TBC1D5: variants seen among roughly 807,000 people sequenced by gnomAD.
TBC1D5 encodes TBC1 domain family, member 5.
In TBC1D5, 75 loss-of-function variants were observed where a neutral mutation model predicts 100.3. The ratio of observed to expected loss-of-function variants is 0.75; its 90% CI spans 0.62 to 0.91. TBC1D5 has a LOEUF of 0.91. Ranked by LOEUF, TBC1D5 falls within the 40% of genes least tolerant of loss-of-function variation. The probability of loss-of-function intolerance (pLI) is 0.00; values close to 1 mark genes in which losing one functional copy is unlikely to be tolerated. For missense variants in TBC1D5, 910 were observed against 942.4 expected (o/e 0.97, Z 0.45); for synonymous variants, 323 against 325.6 (o/e 0.99, Z 0.09).
intron 15 of TBC1D5, among the ~76,000 whole-genome samples, chr3:17,287,245 A>G (rs2150060312): frequency 6.6e-6 from 1 of 152,352 alleles, no homozygotes; most frequent in South Asian, 2.1e-4. Flanking sequence ...GAGGCATGGC[A>G]CTTGAATCAG....
intron 13 of TBC1D5, among the ~76,000 whole-genome samples, chr3:17,312,142 G>A (rs2084100807): frequency 6.6e-6 from 1 of 151,974 alleles, no homozygotes; most frequent in Admixed American, 6.6e-5. Context: ...TCAACTCTGT[G>A]TAGACAGTCT....
At chr3:17,174,252 T>G (rs2067468767) in intron 19 of TBC1D5, among the ~76,000 whole-genome samples, 1 of 152,172 alleles carries the variant, frequency 6.6e-6, no homozygotes, top group African/African-American at 2.4e-5. Flanking sequence ...GAATGTTTCC[T>G]GAAACTGCAC....
chr3:17,404,797 A>T (rs369844966), intron 6 of TBC1D5, 29 bp from the exon 7 acceptor site: 2 of 1,595,986 alleles, frequency 1.3e-6, no homozygotes, highest in African/African-American at 2.7e-5. Flanking sequence ...ACACACACAC[A>T]AGGATCAGAG....
chr3:17,229,023 G>T (rs1451437634), intron 17 of TBC1D5, among the ~76,000 whole-genome samples: 1 of 152,120 alleles, frequency 6.6e-6, no homozygotes, highest in Admixed American at 6.6e-5. Context: ...AATAAGAAAA[G>T]GGGGTGGGCA....
intron 2 of TBC1D5, among the ~76,000 whole-genome samples, chr3:17,574,801 A>G (rs1048696698): frequency 6.6e-6 from 1 of 152,074 alleles, no homozygotes; most frequent in Non-Finnish European, 1.5e-5. Context: ...TTGATTTTTC[A>G]TAGGAAAAAC....
chr3:17,735,942 G>C (rs768871523), intron 1 of TBC1D5, among the ~76,000 whole-genome samples: 35 of 152,348 alleles, frequency 2.3e-4, no homozygotes, highest in Admixed American at 9.8e-4. Flanking sequence ...GGGACCCAAA[G>C]GGGGTTGCCG....
rs1045604695 is a variant in TBC1D5 at position 17,615,369 on chromosome 3, G to C, written c.-36+8480C>G. Reference sequence around the variant, plus strand: ...TATTTTTTTTGCTATGTCTCTGCCAGGTGTTGGTATCAGAATGATGCTGGC... The same window carrying C: ...TATTTTTTTTGCTATGTCTCTGCCACGTGTTGGTATCAGAATGATGCTGGC... On this transcript the variant is annotated intron_variant, in intron 2 of 21. Transcript: ENST00000253692. Among the ~76,000 whole-genome samples, 10 of 152,280 alleles carry C rather than the reference G, an allele frequency of 6.6e-5. 1 individual carries two copies. The South Asian group carries it at 1.9e-3, about 28-fold the overall frequency.
At chr3:17,693,403 T>G (rs554472944) in intron 1 of TBC1D5, among the ~76,000 whole-genome samples, 3 of 152,242 alleles carry the variant, frequency 2.0e-5, no homozygotes, top group African/African-American at 7.2e-5. Flanking sequence ...GCTCAAGGTC[T>G]TAACAACCGG....
intron 16 of TBC1D5, among the ~76,000 whole-genome samples, chr3:17,247,172 G>A (rs1361761994): frequency 6.6e-6 from 1 of 152,154 alleles, no homozygotes; most frequent in Non-Finnish European, 1.5e-5. Context: ...TAGGTGAGCA[G>A]CTCTACTTGG....
chr3:17,208,749 G>A lies in TBC1D5; in HGVS notation c.1752+5458C>T, dbSNP rs1037669400. Among the ~76,000 whole-genome samples the A allele has an allele frequency of 5.3e-5, 8 of 152,122 alleles. No individual in the cohort carries two copies. The East Asian group carries it at 1.5e-3, about 29-fold the overall frequency. ...CATCATAAAGAAAAGTAATTAATTGGTGTTGGAGACTAATCCATATGCCAC... is the reference window on the plus strand; with the variant it reads ...CATCATAAAGAAAAGTAATTAATTGATGTTGGAGACTAATCCATATGCCAC... On this transcript the variant is annotated intron_variant, in intron 18 of 21. Transcript: ENST00000253692.
chr3:17,612,368 C>T (rs891271871), intron 2 of TBC1D5, among the ~76,000 whole-genome samples: 3 of 150,776 alleles, frequency 2.0e-5, no homozygotes, highest in African/African-American at 7.3e-5. Context: ...GTGGCTCATA[C>T]CTGTAACCCC....
chr3:17,449,548 G>A (rs987430468), intron 3 of TBC1D5, among the ~76,000 whole-genome samples: 1 of 152,158 alleles, frequency 6.6e-6, no homozygotes, highest in Admixed American at 6.5e-5. Context: ...GCTTGGTAGG[G>A]GAAGGGGCGT....
chr3:17,320,994 C>T (rs751419360), intron 13 of TBC1D5, among the ~76,000 whole-genome samples: 70 of 152,198 alleles, frequency 4.6e-4, no homozygotes, highest in Non-Finnish European at 8.8e-4. Context: ...ATAGGAAGCA[C>T]TCCTGGCTAT....
chr3:17,502,643 A>G (rs570598326), intron 3 of TBC1D5, among the ~76,000 whole-genome samples: 1 of 149,522 alleles, frequency 6.7e-6, no homozygotes, highest in Admixed American at 6.6e-5. Flanking sequence ...CATCAAAATC[A>G]TTAGGGTGTC....
intron 17 of TBC1D5, among the ~76,000 whole-genome samples, chr3:17,223,739 T>C (rs537282068): frequency 1.3e-5 from 2 of 152,150 alleles, no homozygotes; most frequent in East Asian, 1.9e-4. Flanking sequence ...TGCGTGCCTG[T>C]AGTCCCAGCT....
At chr3:17,645,215 T>G (rs17043847) in intron 1 of TBC1D5, among the ~76,000 whole-genome samples, 1,698 of 152,180 alleles carry the variant, frequency 0.011, 24 homozygotes, top group African/African-American at 0.038. Flanking sequence ...TATGCAATGC[T>G]TAGGAAAAAC....
At chr3:17,693,612 A>G (rs1157183998) in intron 1 of TBC1D5, among the ~76,000 whole-genome samples, 1 of 152,244 alleles carries the variant, frequency 6.6e-6, no homozygotes, top group African/African-American at 2.4e-5. Context: ...ACTGCAGCTC[A>G]GCACACCCTG....
intron 2 of TBC1D5, among the ~76,000 whole-genome samples, chr3:17,535,232 C>G (rs1377564829): frequency 6.6e-6 from 1 of 152,110 alleles, no homozygotes; most frequent in Non-Finnish European, 1.5e-5. Context: ...GAAGAAACTT[C>G]ATATATTTCA....
Position 17,257,139 on chromosome 3 carries a change from T to C in TBC1D5, c.1331+1367A>G, listed in dbSNP as rs145711379. On this transcript the variant is annotated intron_variant, in intron 16 of 21. Transcript: ENST00000253692. ...GAGGTATGATATAACCTGTTATAAA[T>C]TGACATTTAGTTGGCTGTTGTGTAA... Among the ~76,000 whole-genome samples the C allele has an allele frequency of 3.6e-3, 545 of 152,276 alleles. 4 individuals are homozygous for C. The highest frequency in any genetic ancestry group is 0.012 in the African/African-American group (483 of 41,552).
Sources: gnomAD v4.1 joint callset for allele counts (sites outside exome capture counted in the v4.1 genomes callset) on GRCh38, gnomAD v4.1.1 for gene constraint, MANE v1.5 for transcripts, NCBI Gene and HGNC (gene_info 2026-07-23, HGNC 2026-07-21) for gene names.